Variants in PLGRKT observed in about 807,000 individuals in gnomAD.
The protein encoded by PLGRKT is plasminogen receptor (KT).
PLGRKT carries 22 observed loss-of-function variants against 18.5 expected under a neutral mutation model. The observed-to-expected ratio is 1.19, with a 90% CI of 0.85 to 1.70. The LOEUF (loss-of-function observed/expected upper bound fraction) is 1.70. Among genes scored for constraint, PLGRKT ranks in the 40% most tolerant of loss-of-function variants. The pLI, the probability that PLGRKT is intolerant of heterozygous loss-of-function variation, is 0.00. For synonymous variants in PLGRKT, 72 were observed against 52.8 expected (o/e 1.36, Z -1.58); for missense variants, 235 against 174.4 (o/e 1.35, Z -1.96).
intron 3 of PLGRKT, among the ~76,000 whole-genome samples, chr9:5,390,293 C>A (rs994340986): frequency 2.0e-5 from 3 of 150,752 alleles, no homozygotes; most frequent in East Asian, 1.9e-4. Context: ...GCCTGAAAAA[C>A]CACAAAACTG....
intron 3 of PLGRKT, among the ~76,000 whole-genome samples, chr9:5,373,662 G>C (rs1040352125): frequency 4.6e-5 from 7 of 152,114 alleles, no homozygotes; most frequent in South Asian, 4.1e-4. Flanking sequence ...GCTGGGCATG[G>C]TGGCACACAC....
intron 3 of PLGRKT, among the ~76,000 whole-genome samples, chr9:5,366,613 T>C (rs1203990835): frequency 6.6e-6 from 1 of 152,094 alleles, no homozygotes; most frequent in Non-Finnish European, 1.5e-5. Context: ...ATAAGAGCCA[T>C]CTATGACAAA....
chr9:5,426,429 C>T (rs1056704785), intron 3 of PLGRKT, among the ~76,000 whole-genome samples: 1 of 152,102 alleles, frequency 6.6e-6, no homozygotes, highest in African/African-American at 2.4e-5. Flanking sequence ...AAGGAACAAA[C>T]CAATCTTCCG....
chr9:5,413,661 C>G (rs1818406727), intron 3 of PLGRKT, among the ~76,000 whole-genome samples: 1 of 152,180 alleles, frequency 6.6e-6, no homozygotes, highest in Admixed American at 6.5e-5. Flanking sequence ...AATGCAGCCC[C>G]CCTCACATCT....
At chr9:5,420,436 T>C (rs1034659820) in intron 3 of PLGRKT, among the ~76,000 whole-genome samples, 1 of 152,154 alleles carries the variant, frequency 6.6e-6, no homozygotes, top group African/African-American at 2.4e-5. Flanking sequence ...AAAAATTAAC[T>C]TCAGAAGAAT....
intron 3 of PLGRKT, among the ~76,000 whole-genome samples, chr9:5,373,717 G>C (rs1817573065): frequency 6.6e-6 from 1 of 152,088 alleles, no homozygotes; most frequent in African/African-American, 2.4e-5. Flanking sequence ...AAGACCACTT[G>C]AGCCTGGCAT....
chr9:5,415,154 C>T (rs1456160914), intron 3 of PLGRKT, among the ~76,000 whole-genome samples: 1 of 151,874 alleles, frequency 6.6e-6, no homozygotes, highest in African/African-American at 2.4e-5. Context: ...ATTGTGATCA[C>T]AGAAAAGAAG....
intron 3 of PLGRKT, among the ~76,000 whole-genome samples, chr9:5,374,404 CT>C (rs1443849501): frequency 6.6e-6 from 1 of 152,212 alleles, no homozygotes; most frequent in Non-Finnish European, 1.5e-5. Flanking sequence ...TTCAGTGGTT[CT>C]TTAGCTCCTA....
intron 3 of PLGRKT, among the ~76,000 whole-genome samples, chr9:5,367,629 T>C (rs1817423455): frequency 6.6e-6 from 1 of 152,148 alleles, no homozygotes. Flanking sequence ...CCTTAAACTA[T>C]GAAAATCCTA....
chr9:5,408,566 G>A (rs748661216), intron 3 of PLGRKT, among the ~76,000 whole-genome samples: 21 of 152,188 alleles, frequency 1.4e-4, no homozygotes, highest in Non-Finnish European at 2.8e-4. Context: ...ATTTAAAAGG[G>A]AGCATAAAAG....
At chr9:5,416,335 T>A (rs1047525651) in intron 3 of PLGRKT, among the ~76,000 whole-genome samples, 1 of 152,274 alleles carries the variant, frequency 6.6e-6, no homozygotes, top group East Asian at 1.9e-4. Flanking sequence ...ACAAGACATG[T>A]AGAAGTCTAA....
intron 3 of PLGRKT, among the ~76,000 whole-genome samples, chr9:5,403,445 G>A (rs528732849): frequency 1.1e-4 from 17 of 152,066 alleles, no homozygotes; most frequent in African/African-American, 3.4e-4. Context: ...GGCTGGTCTC[G>A]AACTCCTGAC....
At chr9:5,399,368 G>C (rs1818112934) in intron 3 of PLGRKT, among the ~76,000 whole-genome samples, 2 of 151,902 alleles carry the variant, frequency 1.3e-5, no homozygotes, top group South Asian at 4.1e-4. Context: ...CAAAATCCTT[G>C]CCATTATTAT....
chr9:5,395,099 G>T (rs145334367), intron 3 of PLGRKT, among the ~76,000 whole-genome samples: 1 of 134,102 alleles, frequency 7.5e-6, no homozygotes, highest in East Asian at 2.0e-4. Flanking sequence ...TGGTGAAAAG[G>T]CTTTGCAAAA....
intron 3 of PLGRKT, among the ~76,000 whole-genome samples, chr9:5,385,973 T>C (rs2131101696): frequency 6.6e-6 from 1 of 151,962 alleles, no homozygotes; most frequent in Non-Finnish European, 1.5e-5. Flanking sequence ...TATTTGGATT[T>C]GGATTCCTTA....
intron 5 of PLGRKT, among the ~76,000 whole-genome samples, chr9:5,360,797 G>A (rs144951729): frequency 2.2e-4 from 34 of 152,270 alleles, no homozygotes; most frequent in African/African-American, 7.7e-4. Flanking sequence ...TTTATTTGCT[G>A]TAATTTATTT....
At chr9:5,374,482 T>C (rs1817589866) in intron 3 of PLGRKT, among the ~76,000 whole-genome samples, 1 of 152,228 alleles carries the variant, frequency 6.6e-6, no homozygotes, top group Admixed American at 6.5e-5. Context: ...TGCCAGGCTT[T>C]TCCTTGACCC....
intron 3 of PLGRKT, among the ~76,000 whole-genome samples, chr9:5,426,115 G>A (rs537510944): frequency 4.5e-4 from 69 of 152,188 alleles, no homozygotes; most frequent in African/African-American, 1.6e-3. Context: ...CATTTTCAGG[G>A]TCCTTTTCAA....
intron 3 of PLGRKT, among the ~76,000 whole-genome samples, chr9:5,414,329 G>C (rs1818419329): frequency 6.6e-6 from 1 of 152,154 alleles, no homozygotes; most frequent in African/African-American, 2.4e-5. Context: ...ACCACACCCA[G>C]CTAATTTTTG....
Sources: gnomAD v4.1 joint callset for allele counts (sites outside exome capture counted in the v4.1 genomes callset) on GRCh38, gnomAD v4.1.1 for gene constraint, MANE v1.5 for transcripts, NCBI Gene and HGNC (gene_info 2026-07-23, HGNC 2026-07-21) for gene names.